Variants in NCKAP5 observed in about 807,000 individuals in gnomAD.
NCKAP5 encodes the protein NCK associated protein 5, also known as nck-associated protein 5.
A neutral mutation model predicts 167.0 loss-of-function variants in NCKAP5; 92 were observed. The observed-to-expected ratio is 0.55, with a 90% CI of 0.47 to 0.66. NCKAP5 has a LOEUF of 0.66. Among genes scored for constraint, NCKAP5 ranks in the 30% least tolerant of loss-of-function variants. The pLI is 0.00. For missense variants in NCKAP5, 2,378 were observed against 2,315.0 expected (o/e 1.03, Z -0.56); for synonymous variants, 891 against 877.4 (o/e 1.02, Z -0.27).
chr2:132,766,425 T>C (rs189184691), intron 16 of NCKAP5, among the ~76,000 whole-genome samples: 126 of 152,136 alleles, frequency 8.3e-4, no homozygotes, highest in Admixed American at 1.9e-3. Flanking sequence ...GCAAGAAATT[T>C]CTATTCTTAT....
At chr2:133,409,996 G>A (rs987930788) in intron 3 of NCKAP5, among the ~76,000 whole-genome samples, 2 of 152,122 alleles carry the variant, frequency 1.3e-5, no homozygotes, top group African/African-American at 4.8e-5. Flanking sequence ...TCCAATGAAG[G>A]AAACTCCATG....
intron 3 of NCKAP5, among the ~76,000 whole-genome samples, chr2:133,464,131 A>T (rs943299978): frequency 6.6e-6 from 1 of 152,182 alleles, no homozygotes; most frequent in Non-Finnish European, 1.5e-5. Context: ...AGCAATATAT[A>T]TGAGTCCTCT....
intron 5 of NCKAP5, among the ~76,000 whole-genome samples, chr2:133,145,940 A>G (rs1305007952): frequency 2.0e-5 from 3 of 152,132 alleles, no homozygotes; most frequent in Non-Finnish European, 2.9e-5. Flanking sequence ...CTGTAACAAG[A>G]CTTTATTAAA....
chr2:132,954,057 C>T (rs1161378504), intron 8 of NCKAP5, among the ~76,000 whole-genome samples: 1 of 152,186 alleles, frequency 6.6e-6, no homozygotes, highest in Non-Finnish European at 1.5e-5. Context: ...TGTCTGAACC[C>T]TTGCATTCAT....
chr2:133,099,456 C>CA (rs1208332566), intron 6 of NCKAP5, among the ~76,000 whole-genome samples: 1 of 152,162 alleles, frequency 6.6e-6, no homozygotes, highest in East Asian at 1.9e-4. Flanking sequence ...CACTGTGCTT[C>CA]AAAACCCTGT....
At chr2:133,275,364 T>C (rs1320006954) in intron 4 of NCKAP5, among the ~76,000 whole-genome samples, 1 of 151,816 alleles carries the variant, frequency 6.6e-6, no homozygotes, top group East Asian at 1.9e-4. Context: ...AGGAACCCCA[T>C]ATCTATGTAC....
chr2:133,552,489 G>A lies in NCKAP5; in HGVS notation c.-62+6561C>T, dbSNP rs368416068. 0.012 allele frequency among the ~76,000 whole-genome samples: 1,703 copies of A among 143,662 alleles called. 39 individuals are homozygous for A. The East Asian group carries it at 0.12, about 10-fold the overall frequency. The allele number at this position is 143,662 out of a possible 152,430, so 94.2% of individuals were successfully genotyped here. On this transcript the variant is annotated intron_variant, in intron 2 of 19. Coordinates refer to ENST00000409261, the MANE Select transcript of NCKAP5 (RefSeq NM_207363.3). ...AAATCATCATTCTCAGTAAACTATC[G>A]CAAGAACAAAAAACCAAACACCGCA...
At position 132,796,323 on chromosome 2, in the gene NCKAP5, C is replaced by T. The variant is rs528881937; in HGVS notation, c.909+305G>A. ...TAAAAGTAGGATGAATAATATGGGA[C>T]GTGGGTTTTAATAAAAAGCTCCTTG... On this transcript the variant is annotated intron_variant, in intron 12 of 19. Transcript: ENST00000409261. Among the ~76,000 whole-genome samples the T allele has an allele frequency of 2.5e-4, 38 of 152,068 alleles. No individual in the cohort carries two copies. In the South Asian group the frequency reaches 3.3e-3, roughly 13 times the overall value.
In NCKAP5 at chr2:133,333,606, T is replaced by C. The variant is rs148711709; in HGVS notation, c.70-30496A>G. ...AGCCACCACTGAATTACTAGTAGAA[T>C]TGAGAGTGGTGACAATCTAGCATCT... is the stretch of plus-strand genomic sequence containing the variant. On this transcript the variant is annotated intron_variant, in intron 3 of 19. Transcript: ENST00000409261. Among the ~76,000 whole-genome samples the C allele has an allele frequency of 7.4e-3, 1,124 of 152,280 alleles. 17 individuals carry two copies. Among genetic ancestry groups the C allele is most frequent in the African/African-American group, 0.024 (986 of 41,558 alleles).
chr2:133,218,131 C>T (rs2086510383), intron 4 of NCKAP5, among the ~76,000 whole-genome samples: 1 of 151,970 alleles, frequency 6.6e-6, no homozygotes, highest in African/African-American at 2.4e-5. Context: ...ATATTTATGA[C>T]ATATAAATAA....
intron 8 of NCKAP5, among the ~76,000 whole-genome samples, chr2:132,935,149 C>G (rs1411594635): frequency 6.6e-6 from 1 of 152,142 alleles, no homozygotes; most frequent in Non-Finnish European, 1.5e-5. Flanking sequence ...CTGCATTTCT[C>G]AGGAACTCAT....
At chr2:133,013,786 C>A (rs2078243663) in intron 6 of NCKAP5, among the ~76,000 whole-genome samples, 1 of 152,124 alleles carries the variant, frequency 6.6e-6, no homozygotes. Flanking sequence ...TGTGTGTAGG[C>A]ACCTACATCC....
intron 6 of NCKAP5, chr2:133,116,882 A>G (rs1316708392): frequency 6.6e-6 from 1 of 152,180 alleles, no homozygotes; most frequent in African/African-American, 2.4e-5. Context: ...CAATAAGATT[A>G]TTTGTTTAAA....
At chr2:133,147,257 A>G (rs1821426) in intron 5 of NCKAP5, among the ~76,000 whole-genome samples, 32,611 of 152,084 alleles carry the variant, frequency 0.21, 3,684 homozygotes, top group African/African-American at 0.24. Context: ...TCCTCTATGC[A>G]CCACAGATGA....
chr2:133,460,743 T>G (rs1248962528), intron 3 of NCKAP5, among the ~76,000 whole-genome samples: 1 of 152,132 alleles, frequency 6.6e-6, no homozygotes, highest in East Asian at 1.9e-4. Flanking sequence ...GCTAAGAAAT[T>G]TAATCTTGAG....
chr2:132,794,343 G>T (rs1684398181), intron 12 of NCKAP5, among the ~76,000 whole-genome samples: 1 of 147,076 alleles, frequency 6.8e-6, no homozygotes. Context: ...GAGAGAGACA[G>T]AGACAGAGGC....
chr2:133,283,612 AT>A (rs34533937), intron 4 of NCKAP5, among the ~76,000 whole-genome samples: 37,445 of 143,070 alleles, frequency 0.26, 4,492 homozygotes, highest in Middle Eastern at 0.31. Context: ...GCTGAAAAGG[AT>A]TTTTTTTTTT....
intron 19 of NCKAP5, among the ~76,000 whole-genome samples, chr2:132,706,992 T>C (rs962034336): frequency 4.6e-5 from 7 of 152,208 alleles, no homozygotes; most frequent in Non-Finnish European, 8.8e-5. Flanking sequence ...CCACCCATTG[T>C]CCTCCCCGCA....
chr2:133,202,139 T>C (rs530890086), intron 5 of NCKAP5, among the ~76,000 whole-genome samples: 1 of 152,196 alleles, frequency 6.6e-6, no homozygotes, highest in Non-Finnish European at 1.5e-5. Context: ...CAAACTATAC[T>C]ACAAGGCTAC....
Sources: gnomAD v4.1 joint callset for allele counts (sites outside exome capture counted in the v4.1 genomes callset) on GRCh38, gnomAD v4.1.1 for gene constraint, MANE v1.5 for transcripts, NCBI Gene and HGNC (gene_info 2026-07-23, HGNC 2026-07-21) for gene names.